RGS6: variants seen among roughly 807,000 people sequenced by gnomAD.
RGS6 encodes the protein regulator of G protein signaling 6, also known as regulator of G-protein signaling 6.
A neutral mutation model predicts 78.5 loss-of-function variants in RGS6; 30 were observed. The observed-to-expected ratio is 0.38, with a 90% CI of 0.29 to 0.52. RGS6 has a LOEUF of 0.52. Ranked by LOEUF, RGS6 falls within the 20% of genes least tolerant of loss-of-function variation. RGS6 has a pLI of 0.85. For missense variants in RGS6, 495 were observed against 609.7 expected (o/e 0.81, Z 1.98); for synonymous variants, 206 against 206.0 (o/e 1.00, Z 0.00).
intron 2 of RGS6, among the ~76,000 whole-genome samples, chr14:72,132,462 A>G (rs996671155): frequency 1.3e-5 from 2 of 151,962 alleles, no homozygotes; most frequent in Non-Finnish European, 2.9e-5. Flanking sequence ...TATTTTTAGT[A>G]GAGACAGGGT....
At chr14:72,513,404 G>T (rs1369566246) in intron 14 of RGS6, among the ~76,000 whole-genome samples, 1 of 152,170 alleles carries the variant, frequency 6.6e-6, no homozygotes, top group Non-Finnish European at 1.5e-5. Flanking sequence ...CATCTCTGTG[G>T]ACTGGGTGGG....
At chr14:72,585,912 T>A in the RGS6 span, among the ~76,000 whole-genome samples, 1 of 152,186 alleles carries the variant, frequency 6.6e-6, no homozygotes, top group Admixed American at 6.5e-5. Flanking sequence ...TTCAATCTGC[T>A]CTCTCTGGTC....
At chr14:71,883,492 G>T in the RGS6 span, among the ~76,000 whole-genome samples, 1 of 152,164 alleles carries the variant, frequency 6.6e-6, no homozygotes, top group African/African-American at 2.4e-5. Context: ...CCTCAGTGTG[G>T]CCCGGCCTTT....
At chr14:72,492,017 T>C (rs1548685) in intron 12 of RGS6, among the ~76,000 whole-genome samples, 22,337 of 152,132 alleles carry the variant, frequency 0.15, 1,667 homozygotes, top group Admixed American at 0.19. Flanking sequence ...ACACATCAGA[T>C]CTCATAAGAG....
intron 10 of RGS6, among the ~76,000 whole-genome samples, chr14:72,476,115 G>A (rs752316924): frequency 9.9e-5 from 15 of 152,152 alleles, no homozygotes; most frequent in Admixed American, 8.5e-4. Flanking sequence ...CAAAGATTGT[G>A]TTTAGTCTTT....
chr14:72,163,518 T>C (rs573925509), intron 2 of RGS6, among the ~76,000 whole-genome samples: 58 of 152,268 alleles, frequency 3.8e-4, no homozygotes, highest in African/African-American at 1.3e-3. Flanking sequence ...AATGCATAAA[T>C]AGCAACACTT....
intron 2 of RGS6, among the ~76,000 whole-genome samples, chr14:72,196,487 G>A (rs898129756): frequency 1.3e-5 from 2 of 152,158 alleles, no homozygotes; most frequent in Admixed American, 6.5e-5. Flanking sequence ...TAGAATCACT[G>A]CTATCACGTG....
At chr14:72,227,705 T>A (rs2153804568) in intron 2 of RGS6, among the ~76,000 whole-genome samples, 1 of 152,354 alleles carries the variant, frequency 6.6e-6, no homozygotes. Flanking sequence ...AGAATCTAGA[T>A]GTCATATTAA....
At chr14:72,546,135 G>A (rs368445375) in intron 17 of RGS6, among the ~76,000 whole-genome samples, 2 of 152,190 alleles carry the variant, frequency 1.3e-5, no homozygotes, top group African/African-American at 4.8e-5. Flanking sequence ...CTCTTTTAGC[G>A]ATGGGAAATA....
chr14:72,116,377 A>C (rs8004355), intron 2 of RGS6, among the ~76,000 whole-genome samples: 12,545 of 152,024 alleles, frequency 0.083, 1,384 homozygotes, highest in African/African-American at 0.25. Flanking sequence ...ATTGTTTTCC[A>C]GGTTTTCTCA....
chr14:71,893,937 C>T, the RGS6 span, among the ~76,000 whole-genome samples: 1 of 152,124 alleles, frequency 6.6e-6, no homozygotes, highest in African/African-American at 2.4e-5. Flanking sequence ...AGTAGTAAAT[C>T]AGACTTAGGA....
At chr14:72,316,896 A>AGTGT (rs71109731) in intron 2 of RGS6, among the ~76,000 whole-genome samples, 20,127 of 141,728 alleles carry the variant, frequency 0.14, 1,707 homozygotes, top group African/African-American at 0.24. Context: ...AAGCAGGTGA[A>AGTGT]GTGTGTGTGT....
At chr14:72,397,216 T>C (rs1057257627) in intron 3 of RGS6, among the ~76,000 whole-genome samples, 7 of 152,242 alleles carry the variant, frequency 4.6e-5, no homozygotes, top group Non-Finnish European at 7.3e-5. Context: ...GTATCCTCTT[T>C]TATTTCATTT....
At chr14:72,236,223 C>A (rs925405571) in intron 2 of RGS6, among the ~76,000 whole-genome samples, 1 of 152,188 alleles carries the variant, frequency 6.6e-6, no homozygotes, top group Non-Finnish European at 1.5e-5. Flanking sequence ...GCACCCATCA[C>A]GTACATTTTA....
intron 17 of RGS6, chr14:72,550,409 T>C (rs75051400): frequency 4.0e-6 from 6 of 1,481,896 alleles, no homozygotes; most frequent in Non-Finnish European, 5.5e-6. Flanking sequence ...TGGCTTTTTT[T>C]GTTTGCACTA....
At chr14:72,403,437 T>A (rs1287909438) in intron 3 of RGS6, among the ~76,000 whole-genome samples, 1 of 152,136 alleles carries the variant, frequency 6.6e-6, no homozygotes, top group Non-Finnish European at 1.5e-5. Flanking sequence ...ATTGTAGTTA[T>A]TAGAAACTGA....
intron 2 of RGS6, among the ~76,000 whole-genome samples, chr14:71,965,528 A>G (rs913282887): frequency 6.6e-6 from 1 of 152,236 alleles, no homozygotes; most frequent in African/African-American, 2.4e-5. Context: ...AGCTGAGGAA[A>G]GTAACAGCAA....
intron 2 of RGS6, among the ~76,000 whole-genome samples, chr14:72,139,087 G>A (rs2096496348): frequency 6.6e-6 from 1 of 152,178 alleles, no homozygotes; most frequent in African/African-American, 2.4e-5. Flanking sequence ...ATTTCACTTA[G>A]GCTTGACCAA....
intron 2 of RGS6, among the ~76,000 whole-genome samples, chr14:72,153,293 G>A (rs184174924): frequency 8.5e-5 from 13 of 152,194 alleles, no homozygotes; most frequent in Non-Finnish European, 1.2e-4. Flanking sequence ...TGACAGCCTC[G>A]CATTATCTGG....
Sources: allele counts gnomAD v4.1 joint callset (sites outside exome capture counted in the v4.1 genomes callset), GRCh38; gene constraint gnomAD v4.1.1; transcripts MANE v1.5; gene names NCBI Gene and HGNC (gene_info 2026-07-23, HGNC 2026-07-21).